Variants in CEP131 observed in about 807,000 individuals in gnomAD.
The protein encoded by CEP131 is centrosomal protein 131.
A neutral mutation model predicts 136.8 loss-of-function variants in CEP131; 99 were observed. The ratio of observed to expected loss-of-function variants is 0.72; its 90% CI spans 0.62 to 0.86. The LOEUF (loss-of-function observed/expected upper bound fraction) is 0.86, where lower values mean the gene tolerates loss of function less well. Ranked by LOEUF, CEP131 falls within the 40% of genes least tolerant of loss-of-function variation. The probability of loss-of-function intolerance (pLI) is 0.00; values close to 1 mark genes in which losing one functional copy is unlikely to be tolerated. For missense variants in CEP131, 1,459 were observed against 1,463.0 expected, an observed-to-expected ratio of 1.00 and a Z score of 0.04; for synonymous variants, 646 against 612.7, an observed-to-expected ratio of 1.05 and a Z score of -0.80.
At chr17:81,221,138 A>AC (rs1033643222) in intron 1 of CEP131, among the ~76,000 whole-genome samples, 10 of 151,204 alleles carry the variant, frequency 6.6e-5, no homozygotes, top group Admixed American at 2.0e-4. Context: ...AAAAAAAAAA[A>AC]AAAAAAAACG....
Position 81,200,426 on chromosome 17 carries a change from T to G in CEP131, c.809A>C (p.Gln270Pro). The change falls in exon 8 of 26, where the codon CAG becomes CCG. Residue 270 changes from glutamine (Q) to proline (P), a missense_variant. Gln to Pro is a moderately conservative substitution (Grantham distance 76). Transcript: ENST00000450824. ...EAERFIHQVN[Q>P]ATVTIQRWYR... The stretch of plus-strand genomic sequence containing the variant: ...CCAGCGCTGGATGGTGACAGTGGCC[T>G]GGTTCACCTGGTGGATAAACCTGCC... The G allele has an allele frequency of 1.9e-6, 3 of 1,550,830 alleles. No individual in the cohort carries two copies. Among genetic ancestry groups the G allele is most frequent in the Non-Finnish European group, 2.6e-6 (3 of 1,147,514 alleles).
intron 21 of CEP131, among the ~76,000 whole-genome samples, 175 bp from the exon 22 acceptor site, chr17:81,191,510 G>A (rs2061642057): frequency 6.6e-6 from 1 of 152,170 alleles, no homozygotes; most frequent in Non-Finnish European, 1.5e-5. Context: ...AGGACCCAGT[G>A]TGGGCATAGG....
chr17:81,221,137 A>C (rs996446413), intron 1 of CEP131, among the ~76,000 whole-genome samples: 64 of 151,346 alleles, frequency 4.2e-4, no homozygotes, highest in African/African-American at 1.1e-3. Context: ...AAAAAAAAAA[A>C]AAAAAAAAAC....
In CEP131 at chr17:81,198,148, G is replaced by T. The variant is rs747510483; in HGVS notation, c.1437C>A (p.Thr479=). Residue 479 remains threonine (T), a synonymous_variant, in exon 12 of 26, where the codon ACC becomes ACA. Transcript: ENST00000450824. ...CCCAGGCGTATCTGCCCCTGTGATG[G>T]GTCCTGGGGCGGGGCAGCACGTCCG... ...KEPDVLPRPR[T]HHRGRYAWAS... The T allele has an allele frequency of 6.4e-7, 1 of 1,574,480 alleles. No homozygotes were observed. The highest frequency in any genetic ancestry group is 8.6e-7 in the Non-Finnish European group (1 of 1,160,380).
rs1408166078 is a variant in CEP131 at position 81,208,808 on chromosome 17, A to T, written c.272+120T>A. 1 of 761,254 alleles carries T rather than the reference A, an allele frequency of 1.3e-6. No homozygotes were observed. The highest frequency in any genetic ancestry group is 1.7e-5 in the African/African-American group (1 of 57,470). The allele number at this position is 761,254 out of a possible 1,614,324, so 47.2% of individuals were successfully genotyped here. On this transcript the variant is annotated intron_variant, in intron 3 of 25. Transcript: ENST00000450824. This position sits in a 1 kb window ranked among gnomAD's most constrained non-coding sequence, Gnocchi z 5.6. ...TCACTCCAGGCCTCACTAGCCAGCA[A>T]GGGCCCGGGACCCAGGAGGCTGGAG...
intron 5 of CEP131, among the ~76,000 whole-genome samples, chr17:81,206,508 C>T (rs1220718355): frequency 6.6e-6 from 1 of 152,212 alleles, no homozygotes; most frequent in African/African-American, 2.4e-5. Context: ...GTGAGCCTCC[C>T]CAAGGCCTGA....
rs752998144 is a variant in CEP131 at position 81,206,883 on chromosome 17, C to A, written c.388-12G>T. 2 of 1,611,760 alleles carry A rather than the reference C, an allele frequency of 1.2e-6. No homozygotes were observed. Among genetic ancestry groups the A allele is most frequent in the East Asian group, 4.5e-5 (2 of 44,856 alleles). Reference sequence around the variant, plus strand: ...CGGGGCTGGTCATCCTGTCAGACAGCTCAGCCCATGACACCGCCCGCACAC... The same window carrying A: ...CGGGGCTGGTCATCCTGTCAGACAGATCAGCCCATGACACCGCCCGCACAC... On this transcript the variant is annotated splice_polypyrimidine_tract_variant and intron_variant, in intron 4 of 25. Coordinates refer to ENST00000450824, the MANE Select transcript of CEP131 (RefSeq NM_014984.4).
At chr17:81,192,989 G>A (rs1296407336) in intron 18 of CEP131, 146 bp from the exon 19 acceptor site, 1 of 1,362,498 alleles carries the variant, frequency 7.3e-7, no homozygotes, top group Non-Finnish European at 9.7e-7. Context: ...CGGCAGTCAA[G>A]GCCCCTCAAA....
chr17:81,199,307 G>A (rs574535085), intron 10 of CEP131, 74 bp downstream of exon 10: 27 of 1,455,938 alleles, frequency 1.9e-5, no homozygotes, highest in Admixed American at 6.6e-5. Context: ...CCGAGAGGAG[G>A]TCCACAAGGG....
In CEP131 at chr17:81,191,001, T is replaced by C; in HGVS notation, c.2849A>G (p.Glu950Gly). 2 of 1,609,150 alleles carry C rather than the reference T, an allele frequency of 1.2e-6. No homozygotes were observed. The highest frequency in any genetic ancestry group is 1.7e-6 in the Non-Finnish European group (2 of 1,179,886). The change falls in exon 23 of 26, where the codon GAG (glutamate) becomes GGG (glycine). Residue 950 changes from glutamate to glycine, a missense_variant. By Grantham distance (98) the Glu-to-Gly change is moderately conservative. This residue lies in a region of CEP131 where 1,026 missense variants were observed against 964.2 expected (regional missense o/e 1.06). Coordinates refer to ENST00000450824, the MANE Select transcript of CEP131 (RefSeq NM_014984.4). ...GGCCTCCCCAAGCTGGCCCTTCAGCTCCGAGCACCGCTCCTGAAGCTTCCG... is the reference window on the plus strand; with the variant it reads ...GGCCTCCCCAAGCTGGCCCTTCAGCCCCGAGCACCGCTCCTGAAGCTTCCG... ...SERKLQERCSELKGQLGEAEG... is the reference protein window; with the variant it reads ...SERKLQERCSGLKGQLGEAEG...
Position 81,200,320 on chromosome 17 carries a change from C to T in CEP131, c.906+9G>A. 6.3e-7 allele frequency: 1 copy of T among 1,599,570 alleles called. No individual in the cohort carries two copies. Among genetic ancestry groups the T allele is most frequent in the Non-Finnish European group, 8.5e-7 (1 of 1,172,960 alleles). On this transcript the variant is annotated intron_variant, in intron 8 of 25. Coordinates refer to ENST00000450824, the MANE Select transcript of CEP131 (RefSeq NM_014984.4). ...GGGAGCATGGAGTGACTGAGACGCCCACACTGACCTCCCGCTTGGCCTGAA... is the reference window on the plus strand; with the variant it reads ...GGGAGCATGGAGTGACTGAGACGCCTACACTGACCTCCCGCTTGGCCTGAA...
rs1905085073 is a variant in CEP131, at chr17:81,203,608, C to T, written c.516-1G>A. The T allele has an allele frequency of 6.3e-7, 1 of 1,587,114 alleles. No homozygotes were observed. The highest frequency in any genetic ancestry group is 8.6e-7 in the Non-Finnish European group (1 of 1,167,186). On this transcript the variant is annotated splice_acceptor_variant, in intron 5 of 25. Coordinates refer to ENST00000450824, the MANE Select transcript of CEP131 (RefSeq NM_014984.4). LOFTEE classifies it high-confidence loss of function. The surrounding 1 kb of genome is among the most constrained non-coding windows in gnomAD (Gnocchi z 4.6). ...GTTGCCCACTGCTCCCTTGTTGCTC[C>T]TGCCAGGCCGGAAGAGAGACAGGAA...
At chr17:81,217,075 A>G (rs2062263224) in intron 2 of CEP131, among the ~76,000 whole-genome samples, 1 of 152,260 alleles carries the variant, frequency 6.6e-6, no homozygotes, top group Non-Finnish European at 1.5e-5. Flanking sequence ...ACATATGCAC[A>G]GTGATGTCTG....
intron 2 of CEP131, among the ~76,000 whole-genome samples, chr17:81,212,464 C>A (rs1192571410): frequency 1.3e-5 from 2 of 152,042 alleles, no homozygotes; most frequent in Non-Finnish European, 2.9e-5. Context: ...GGGACTGTTC[C>A]GAGTAGCCCC....
At chr17:81,197,989 G>T in intron 12 of CEP131, 101 bp from the exon 13 acceptor site, 1 of 1,514,864 alleles carries the variant, frequency 6.6e-7, no homozygotes. Context: ...CTGGGAGGGA[G>T]GGTTGTGACT....
intron 21 of CEP131, among the ~76,000 whole-genome samples, chr17:81,192,048 G>T (rs1256079154): frequency 1.3e-5 from 2 of 151,958 alleles, no homozygotes; most frequent in African/African-American, 4.8e-5. Context: ...GGGTGTAGCA[G>T]CCCCTAGCGA....
chr17:81,205,196 T>C (rs1567868496), intron 5 of CEP131, among the ~76,000 whole-genome samples: 1 of 148,806 alleles, frequency 6.7e-6, no homozygotes, highest in Non-Finnish European at 1.5e-5. Context: ...GAAGCGGAGG[T>C]TGCGGTGAGC....
Position 81,218,148 on chromosome 17 carries a change from C to T in CEP131, c.177+1732G>A, listed in dbSNP as rs188888023. Reference sequence around the variant, plus strand: ...GCCTCCTCCGCCCGGGTTCAAGCAACTCTCCTGTCTCAGCCTCCTGAGTAG... The same window carrying T: ...GCCTCCTCCGCCCGGGTTCAAGCAATTCTCCTGTCTCAGCCTCCTGAGTAG... On this transcript the variant is annotated intron_variant, in intron 2 of 25. Transcript: ENST00000450824. Among the ~76,000 whole-genome samples, 31 of 152,098 alleles carry T rather than the reference C, an allele frequency of 2.0e-4. No homozygotes were observed. The East Asian group carries it at 5.2e-3, about 26-fold the overall frequency.
At chr17:81,218,447 C>A (rs559782313) in intron 2 of CEP131, among the ~76,000 whole-genome samples, 1 of 152,238 alleles carries the variant, frequency 6.6e-6, no homozygotes, top group African/African-American at 2.4e-5. Context: ...GGGTCAGTGA[C>A]GCAGGAGCAG....
Sources: gnomAD v4.1 joint callset for allele counts (sites outside exome capture counted in the v4.1 genomes callset) on GRCh38, gnomAD v4.1.1 for gene constraint, gnomAD v4.1.1 regional missense constraint, Gnocchi (gnomAD v3.1) non-coding constraint, MANE v1.5 for transcripts, NCBI Gene and HGNC (gene_info 2026-07-23, HGNC 2026-07-21) for gene names.